Variants in SLC4A4 observed in about 807,000 individuals in gnomAD.
SLC4A4 encodes electrogenic sodium bicarbonate cotransporter 1.
Under a neutral mutation model 111.5 loss-of-function variants are expected in SLC4A4, and 27 were observed. That is an observed-to-expected ratio of 0.24 (90% confidence interval 0.18 to 0.33). SLC4A4 has a LOEUF of 0.33. Among genes scored for constraint, SLC4A4 ranks in the 10% least tolerant of loss-of-function variants. The pLI is 1.00. For missense variants in SLC4A4, 909 were observed against 1,315.5 expected (o/e 0.69, Z 4.78); for synonymous variants, 443 against 463.4 (o/e 0.96, Z 0.57).
At chr4:71,123,632 A>T (rs1743489690) in intron 2 of SLC4A4, among the ~76,000 whole-genome samples, 1 of 152,224 alleles carries the variant, frequency 6.6e-6, no homozygotes, top group Admixed American at 6.5e-5. Flanking sequence ...AGTAAATGTA[A>T]AAAACAAAAA....
Position 71,570,095 on chromosome 4 carries a change from C to T in SLC4A4, c.*2344C>T, listed in dbSNP as rs568287869. 10 of 151,758 alleles carry T rather than the reference C, an allele frequency of 6.6e-5. No individual in the cohort carries two copies. The highest frequency in any genetic ancestry group is 2.1e-4 in the South Asian group (1 of 4,808). 9.4% of individuals were successfully genotyped at this position (151,758 alleles called of 1,614,324 possible). ...CATGTATAGTAAATTCAGCTTAACC[C>T]GTGATCTTCTTAAGTTAAAGGTACT... On this transcript the variant is annotated 3_prime_UTR_variant, in exon 26 of 26. Coordinates refer to ENST00000264485, the MANE Select transcript of SLC4A4 (RefSeq NM_001098484.3).
intron 6 of SLC4A4, among the ~76,000 whole-genome samples, chr4:71,360,344 T>G (rs569725724): frequency 5.2e-4 from 79 of 152,288 alleles, no homozygotes; most frequent in African/African-American, 1.9e-3. Flanking sequence ...TTTTTAAATT[T>G]TTTTTTTTGA....
chr4:71,554,169 A>T (rs1467172547), intron 20 of SLC4A4, among the ~76,000 whole-genome samples: 3 of 151,880 alleles, frequency 2.0e-5, no homozygotes, highest in African/African-American at 4.8e-5. Flanking sequence ...CAGTATTTTT[A>T]AAATTACTCT....
At chr4:71,446,162 CT>C (rs1305331204) in intron 8 of SLC4A4, among the ~76,000 whole-genome samples, 1 of 148,962 alleles carries the variant, frequency 6.7e-6, no homozygotes, top group African/African-American at 2.5e-5. Context: ...TTTAGAATCC[CT>C]TTTGGGTTGA....
At chr4:71,158,710 G>A (rs1474668777) in intron 2 of SLC4A4, among the ~76,000 whole-genome samples, 1 of 152,126 alleles carries the variant, frequency 6.6e-6, no homozygotes, top group Non-Finnish European at 1.5e-5. Context: ...CCATCAGACT[G>A]GTTTCTGGAT....
intron 8 of SLC4A4, among the ~76,000 whole-genome samples, chr4:71,443,110 CTCTCTCTATA>C (rs1463494694): frequency 3.0e-5 from 3 of 101,020 alleles, no homozygotes; most frequent in East Asian, 3.6e-4. Context: ...CTCTCTCTCT[CTCTCTCTATA>C]TATATATATA....
intron 9 of SLC4A4, among the ~76,000 whole-genome samples, chr4:71,449,604 G>A (rs1377773987): frequency 6.6e-6 from 1 of 152,114 alleles, no homozygotes; most frequent in Admixed American, 6.5e-5. Flanking sequence ...TTTAAGAATA[G>A]GTAAGGGTAT....
intron 2 of SLC4A4, among the ~76,000 whole-genome samples, chr4:71,180,837 ACCATTTGACCCAGCAATC>A (rs1745268762): frequency 1.3e-5 from 2 of 152,054 alleles, no homozygotes; most frequent in African/African-American, 4.8e-5. Context: ...ACCCAGCAAT[ACCATTTGACCCAGCAATC>A]CCATTACTGG....
chr4:71,264,828 C>G (rs778750021), intron 3 of SLC4A4, among the ~76,000 whole-genome samples: 2 of 152,098 alleles, frequency 1.3e-5, no homozygotes, highest in Non-Finnish European at 2.9e-5. Context: ...TAATACTCTT[C>G]CTTGGTCCTC....
At chr4:71,261,088 GCTTGGCT>G (rs1160976376) in intron 3 of SLC4A4, among the ~76,000 whole-genome samples, 1 of 152,158 alleles carries the variant, frequency 6.6e-6, no homozygotes, top group Non-Finnish European at 1.5e-5. Context: ...TTAGCTGTCG[GCTTGGCT>G]CTTGGCTCCT....
At chr4:71,493,306 G>A (rs1204914981) in intron 15 of SLC4A4, among the ~76,000 whole-genome samples, 1 of 151,824 alleles carries the variant, frequency 6.6e-6, no homozygotes, top group Non-Finnish European at 1.5e-5. Flanking sequence ...ATGTAACTGG[G>A]CATCCTACAT....
At chr4:71,190,022 G>C (rs916483818) in intron 1 of SLC4A4, among the ~76,000 whole-genome samples, 10 of 152,148 alleles carry the variant, frequency 6.6e-5, no homozygotes, top group Non-Finnish European at 1.3e-4. Flanking sequence ...TGTTTCCAAG[G>C]ACAACCTGTG....
At chr4:71,212,326 T>A (rs1578603697) in intron 1 of SLC4A4, among the ~76,000 whole-genome samples, 1 of 152,196 alleles carries the variant, frequency 6.6e-6, no homozygotes, top group South Asian at 2.1e-4. Context: ...TTTAATGTAG[T>A]CACCATCCTG....
intron 11 of SLC4A4, among the ~76,000 whole-genome samples, chr4:71,451,715 G>A (rs962136422): frequency 2.0e-5 from 3 of 152,044 alleles, no homozygotes; most frequent in Non-Finnish European, 4.4e-5. Flanking sequence ...TGTGGGGGTG[G>A]GCTGCAACAG....
chr4:71,466,342 C>A, intron 12 of SLC4A4, 102 bp from the exon 13 acceptor site: 1 of 1,297,472 alleles, frequency 7.7e-7, no homozygotes, highest in South Asian at 1.2e-5. Flanking sequence ...TTGCTAAGAC[C>A]CTCCTAATAG....
At chr4:71,507,757 C>T (rs1731548709) in intron 16 of SLC4A4, among the ~76,000 whole-genome samples, 1 of 152,192 alleles carries the variant, frequency 6.6e-6, no homozygotes, top group South Asian at 2.1e-4. Flanking sequence ...TAGATATCTA[C>T]AGAACTCTCT....
At chr4:71,147,004 C>T (rs1165913355) in intron 2 of SLC4A4, among the ~76,000 whole-genome samples, 1 of 152,126 alleles carries the variant, frequency 6.6e-6, no homozygotes, top group African/African-American at 2.4e-5. Flanking sequence ...ATCTCACATG[C>T]AGAGACACAC....
intron 7 of SLC4A4, among the ~76,000 whole-genome samples, chr4:71,402,421 A>G (rs1256840423): frequency 6.6e-6 from 1 of 152,142 alleles, no homozygotes; most frequent in Non-Finnish European, 1.5e-5. Flanking sequence ...AGTGAAGGAA[A>G]AGTACAAAAG....
chr4:71,377,559 T>G (rs1369680427), intron 6 of SLC4A4, among the ~76,000 whole-genome samples: 1 of 152,162 alleles, frequency 6.6e-6, no homozygotes, highest in Non-Finnish European at 1.5e-5. Context: ...TGCTATAGTG[T>G]GAGCTAGCCC....
Sources: gnomAD v4.1 joint callset for allele counts (sites outside exome capture counted in the v4.1 genomes callset) on GRCh38, gnomAD v4.1.1 for gene constraint, MANE v1.5 for transcripts, NCBI Gene and HGNC (gene_info 2026-07-23, HGNC 2026-07-21) for gene names.